Variants in CREB5 observed in about 807,000 individuals in gnomAD.
The protein encoded by CREB5 is cAMP responsive element binding protein 5, also known as cyclic AMP-responsive element-binding protein 5.
A neutral mutation model predicts 57.1 loss-of-function variants in CREB5; 19 were observed. That is an observed-to-expected ratio of 0.33 (90% CI 0.23 to 0.49). The LOEUF (loss-of-function observed/expected upper bound fraction) is 0.49, where lower values mean the gene tolerates loss of function less well. Ranked by LOEUF, CREB5 falls within the 20% of genes least tolerant of loss-of-function variation. CREB5 has a pLI of 0.99. For missense variants in CREB5, 579 were observed against 671.6 expected, an observed-to-expected ratio of 0.86 and a Z score of 1.52; for synonymous variants, 238 against 238.3, an observed-to-expected ratio of 1.00 and a Z score of 0.01.
intron 1 of CREB5, among the ~76,000 whole-genome samples, chr7:28,324,219 G>T (rs931784327): frequency 1.3e-5 from 2 of 152,104 alleles, no homozygotes; most frequent in Non-Finnish European, 2.9e-5. Context: ...AACCTTACAT[G>T]ATCCCATTTT....
chr7:28,597,142 A>G (rs1287180227), intron 5 of CREB5, among the ~76,000 whole-genome samples: 1 of 152,240 alleles, frequency 6.6e-6, no homozygotes, highest in Non-Finnish European at 1.5e-5. Flanking sequence ...TAAGCAGTGC[A>G]GTTCTTTTCT....
At chr7:28,530,489 GAAAAA>G (rs1793676966) in intron 4 of CREB5, among the ~76,000 whole-genome samples, 1 of 152,092 alleles carries the variant, frequency 6.6e-6, no homozygotes, top group East Asian at 1.9e-4. Flanking sequence ...CTGAAAAGCT[GAAAAA>G]ACATATGATC....
chr7:28,817,632 G>T (rs1017369246), intron 9 of CREB5, among the ~76,000 whole-genome samples: 8 of 152,142 alleles, frequency 5.3e-5, no homozygotes, highest in African/African-American at 1.7e-4. Context: ...CTTATTATGT[G>T]CTGGGTATTG....
At chr7:28,783,302 T>C (rs1282386394) in intron 7 of CREB5, among the ~76,000 whole-genome samples, 1 of 152,248 alleles carries the variant, frequency 6.6e-6, no homozygotes, top group Non-Finnish European at 1.5e-5. Context: ...ATTAGCCAGC[T>C]GATGAACCAG....
At chr7:28,542,161 A>G (rs1309741472) in intron 4 of CREB5, among the ~76,000 whole-genome samples, 1 of 152,184 alleles carries the variant, frequency 6.6e-6, no homozygotes, top group Non-Finnish European at 1.5e-5. Flanking sequence ...CTTCACAACT[A>G]CCGAAGAGTA....
chr7:28,345,543 A>G (rs1030695534), intron 1 of CREB5, among the ~76,000 whole-genome samples: 2 of 152,166 alleles, frequency 1.3e-5, no homozygotes, highest in Non-Finnish European at 2.9e-5. Context: ...CCTTTAGGGC[A>G]GGGCAGGTCC....
chr7:28,640,945 G>A (rs890489881), intron 5 of CREB5, among the ~76,000 whole-genome samples: 5 of 152,146 alleles, frequency 3.3e-5, no homozygotes, highest in African/African-American at 1.2e-4. Flanking sequence ...CTATTGTCAA[G>A]CACATTTAAC....
chr7:28,399,821 G>A (rs533056949), intron 1 of CREB5, among the ~76,000 whole-genome samples: 3 of 151,824 alleles, frequency 2.0e-5, no homozygotes, highest in South Asian at 4.2e-4. Context: ...TTTGGGAGGC[G>A]AGGTGGGTTG....
At chr7:28,746,831 G>T (rs1350876590) in intron 7 of CREB5, among the ~76,000 whole-genome samples, 2 of 152,142 alleles carry the variant, frequency 1.3e-5, no homozygotes, top group Non-Finnish European at 2.9e-5. Context: ...GTATTTTAAT[G>T]TCTTTCCTAA....
intron 5 of CREB5, among the ~76,000 whole-genome samples, chr7:28,642,987 T>TACAC (rs1179446048): frequency 0.055 from 5,364 of 98,356 alleles, 170 homozygotes; most frequent in Non-Finnish European, 0.072. Flanking sequence ...CACACACACA[T>TACAC]ACACACACAC....
At chr7:28,538,411 C>CT (rs11405313) in intron 4 of CREB5, among the ~76,000 whole-genome samples, 59,030 of 151,952 alleles carry the variant, frequency 0.39, 12,812 homozygotes, top group Middle Eastern at 0.48. Context: ...CCTTTATTCG[C>CT]TTAAAGTCTT....
At chr7:28,390,703 G>T (rs773882635) in intron 1 of CREB5, among the ~76,000 whole-genome samples, 13 of 152,132 alleles carry the variant, frequency 8.5e-5, no homozygotes, top group Non-Finnish European at 1.8e-4. Flanking sequence ...GACTTGGAAA[G>T]TGTCACATTG....
chr7:28,642,987 TACACACACAC>T (rs1179446048), intron 5 of CREB5, among the ~76,000 whole-genome samples: 18 of 98,400 alleles, frequency 1.8e-4, no homozygotes, highest in African/African-American at 5.4e-4. Flanking sequence ...CACACACACA[TACACACACAC>T]ACACACACAC....
upstream of CREB5, chr7:28,410,820 A>C (rs1787755236): frequency 3.0e-6 from 1 of 338,460 alleles, no homozygotes; most frequent in African/African-American, 2.2e-5. Flanking sequence ...AGGAGCTTAG[A>C]ATGCTGACAA....
chr7:28,499,260 A>G lies in CREB5; in HGVS notation c.169+4261A>G, dbSNP rs372033392. Among the ~76,000 whole-genome samples, 28 of 152,074 alleles carry G rather than the reference A, an allele frequency of 1.8e-4. No homozygotes were observed. In the East Asian group the frequency reaches 3.1e-3, roughly 17 times the overall value. ...GAACAGACAAGTAATATTCCAAATG[A>G]GAATTCCTATTAAAACAAAAATTCA... On this transcript the variant is annotated intron_variant, in intron 3 of 10. Transcript: ENST00000357727.
At chr7:28,374,045 C>T (rs1786772272) in intron 1 of CREB5, among the ~76,000 whole-genome samples, 1 of 151,952 alleles carries the variant, frequency 6.6e-6, no homozygotes, top group African/African-American at 2.4e-5. Context: ...TTCTTAAAAG[C>T]CCGAGCTTCA....
intron 5 of CREB5, among the ~76,000 whole-genome samples, chr7:28,694,063 C>CT (rs1801411209): frequency 6.6e-6 from 1 of 152,092 alleles, no homozygotes; most frequent in African/African-American, 2.4e-5. Flanking sequence ...AGAGCAGGGT[C>CT]TTTTTTCACC....
intron 5 of CREB5, among the ~76,000 whole-genome samples, chr7:28,664,666 G>A (rs17156990): frequency 0.07 from 10,714 of 152,138 alleles, 588 homozygotes; most frequent in African/African-American, 0.15. Context: ...TATGCCACAG[G>A]AGACTATTTC....
chr7:28,319,619 T>TC (rs1785454151), intron 1 of CREB5, among the ~76,000 whole-genome samples: 1 of 152,144 alleles, frequency 6.6e-6, no homozygotes, highest in African/African-American at 2.4e-5. Context: ...ACTCCTCCGC[T>TC]CTACCCATGC....
Sources: allele counts gnomAD v4.1 joint callset (sites outside exome capture counted in the v4.1 genomes callset), GRCh38; gene constraint gnomAD v4.1.1; transcripts MANE v1.5; gene names NCBI Gene and HGNC (gene_info 2026-07-23, HGNC 2026-07-21).